Variants in FREM3 observed in about 807,000 individuals in gnomAD.
The protein encoded by FREM3 is FRAS1-related extracellular matrix protein 3.
Under a neutral mutation model 129.1 loss-of-function variants are expected in FREM3, and 105 were observed. The ratio of observed to expected loss-of-function variants is 0.81; its 90% CI spans 0.69 to 0.96. The LOEUF is 0.96. FREM3 is among the 40% of genes least tolerant of loss of function. The pLI is 0.00. For missense variants in FREM3, 2,593 were observed against 2,666.3 expected (o/e 0.97, Z 0.61); for synonymous variants, 1,014 against 1,044.9 (o/e 0.97, Z 0.57).
At chr4:143,666,229 A>G (rs1030806522) in intron 2 of FREM3, among the ~76,000 whole-genome samples, 2 of 152,172 alleles carry the variant, frequency 1.3e-5, no homozygotes, top group African/African-American at 4.8e-5. Context: ...ACATGCATAA[A>G]AGAAAATGCA....
At chr4:143,597,478 T>G (rs1180015691) in intron 6 of FREM3, among the ~76,000 whole-genome samples, 3 of 152,240 alleles carry the variant, frequency 2.0e-5, no homozygotes, top group African/African-American at 7.2e-5. Context: ...GCTTTGTAAA[T>G]ATTTTGAAAT....
chr4:143,670,045 G>C (rs1489327488), intron 2 of FREM3, among the ~76,000 whole-genome samples: 2 of 152,088 alleles, frequency 1.3e-5, no homozygotes, highest in Non-Finnish European at 1.5e-5. Flanking sequence ...ATTTCAAAGG[G>C]ATTAGAATTT....
Position 143,624,256 on chromosome 4 carries a change from T to C in FREM3, c.5505A>G (p.Gly1835=), listed in dbSNP as rs1244580658. The C allele has an allele frequency of 2.0e-5, 31 of 1,536,962 alleles. No homozygotes were observed. The highest frequency in any genetic ancestry group is 2.5e-5 in the Non-Finnish European group (29 of 1,146,774). Residue 1835 remains glycine (G), a synonymous_variant, in exon 4 of 8, where the codon GGA becomes GGG. Coordinates refer to ENST00000329798, the MANE Select transcript of FREM3 (RefSeq NM_001168235.2). ...KTNKQIQFNP[G]QTTATWRVRI... is the part of the protein sequence containing the mutation. Reference sequence around the variant, plus strand: ...TCACCCTCCATGTGGCTGTAGTCTGTCCAGGATTGAACTGGATCTGTTTAT... The same window carrying C: ...TCACCCTCCATGTGGCTGTAGTCTGCCCAGGATTGAACTGGATCTGTTTAT...
chr4:143,698,965 C>G lies in FREM3; in HGVS notation c.1711G>C (p.Asp571His), dbSNP rs575972251. 7.2e-6 allele frequency: 11 copies of G among 1,537,238 alleles called. No homozygotes were observed. In the South Asian group the frequency reaches 1.2e-4, roughly 17 times the overall value. Residue 571 changes from aspartate (D) to histidine (H), a missense_variant, in exon 1 of 8, where the codon GAT (aspartate) becomes CAT (histidine). Asp to His is a moderately conservative substitution (Grantham distance 81, BLOSUM62 -1). This residue lies in a region of FREM3 where 2,276 missense variants were observed against 2,267.2 expected (regional missense o/e 1.00). Transcript: ENST00000329798. ...QISPFVLSAT[D>H]IDSEDSTIHF... is the part of the protein sequence containing the mutation. ...ATGGTTGAGTCCTCAGAGTCAATAT[C>G]AGTAGCACTCAGTACAAAGGGAGAG...
At chr4:143,664,915 G>C (rs748088098) in intron 2 of FREM3, among the ~76,000 whole-genome samples, 3 of 152,188 alleles carry the variant, frequency 2.0e-5, no homozygotes, top group Admixed American at 6.5e-5. Context: ...TAATCTCCTA[G>C]TGCACCGTTT....
At chr4:143,677,099 A>G (rs1289369393) in intron 2 of FREM3, among the ~76,000 whole-genome samples, 1 of 152,226 alleles carries the variant, frequency 6.6e-6, no homozygotes, top group Non-Finnish European at 1.5e-5. Flanking sequence ...ATCCTAAGCC[A>G]AAAGAACAAA....
Position 143,696,318 on chromosome 4 carries a change from T to C in FREM3, c.4358A>G (p.Asp1453Gly), listed in dbSNP as rs1740567595. 6.5e-7 allele frequency: 1 copy of C among 1,537,386 alleles called. No individual in the cohort carries two copies. The highest frequency in any genetic ancestry group is 1.4e-5 in the African/African-American group (1 of 73,058). The change falls in exon 1 of 8, where the codon GAC becomes GGC. Residue 1453 changes from aspartate (D) to glycine (G), a missense_variant. By Grantham distance (94) the Asp-to-Gly change is moderately conservative. Around this residue, in one of 2 missense-constraint regions of FREM3, gnomAD observed 2,276 missense variants for 2,267.2 expected, o/e 1.00. Transcript: ENST00000329798. ...TLTNNLLTNSDINSSDEHHFS... is the reference protein window; with the variant it reads ...TLTNNLLTNSGINSSDEHHFS... ...GTGATGTTCATCAGAGCTGTTGATG[T>C]CACTGTTGGTAAGCAGATTGTTGGT...
chr4:143,615,707 CA>C (rs55880735), intron 5 of FREM3, among the ~76,000 whole-genome samples: 48 of 138,984 alleles, frequency 3.5e-4, no homozygotes, highest in South Asian at 2.2e-3. Context: ...CGTCAAGTGT[CA>C]AAAAAAAAAC....
Position 143,700,618 on chromosome 4 carries a change from C to G in FREM3, c.58G>C (p.Ala20Pro). ...GCGGGGCGACTCAAGAGCAGGCAGGCGAGCGCCACAAGGAGCTGCCGGGGC... is the reference window on the plus strand; with the variant it reads ...GCGGGGCGACTCAAGAGCAGGCAGGGGAGCGCCACAAGGAGCTGCCGGGGC... ...GTPRQLLVAL[A>P]CLLLSRPALQ... The change falls in exon 1 of 8, where the codon GCC becomes CCC. Residue 20 changes from alanine to proline, a missense_variant. By Grantham distance (27) the Ala-to-Pro change is conservative. Around this residue, in one of 2 missense-constraint regions of FREM3, gnomAD observed 2,276 missense variants for 2,267.2 expected, o/e 1.00. Coordinates refer to ENST00000329798, the MANE Select transcript of FREM3 (RefSeq NM_001168235.2). 1 of 1,451,950 alleles carries G rather than the reference C, an allele frequency of 6.9e-7. No individual in the cohort carries two copies. The highest frequency in any genetic ancestry group is 9.1e-7 in the Non-Finnish European group (1 of 1,104,390). The allele number at this position is 1,451,950 out of a possible 1,614,324, so 89.9% of individuals were successfully genotyped here.
intron 1 of FREM3, among the ~76,000 whole-genome samples, chr4:143,693,589 C>A (rs751370322): frequency 2.6e-5 from 4 of 152,182 alleles, no homozygotes; most frequent in Non-Finnish European, 5.9e-5. Context: ...CCAGCAGTCC[C>A]ATTACTGGGT....
intron 2 of FREM3, among the ~76,000 whole-genome samples, chr4:143,664,847 G>C (rs938789073): frequency 6.6e-6 from 1 of 152,220 alleles, no homozygotes; most frequent in Non-Finnish European, 1.5e-5. Context: ...TCAGACTGCC[G>C]TGCTAGCAAT....
At chr4:143,633,194 G>A (rs141144526) in intron 2 of FREM3, among the ~76,000 whole-genome samples, 1 of 152,120 alleles carries the variant, frequency 6.6e-6, no homozygotes, top group Non-Finnish European at 1.5e-5. Flanking sequence ...AGTGCTGTTG[G>A]CATTCTTTCT....
chr4:143,690,352 A>G (rs1740443181), intron 2 of FREM3, among the ~76,000 whole-genome samples: 1 of 152,150 alleles, frequency 6.6e-6, no homozygotes, highest in South Asian at 2.1e-4. Context: ...CCTTCATGGT[A>G]TCACTCTTGA....
chr4:143,678,784 CATAAA>C (rs1250484564), intron 2 of FREM3, among the ~76,000 whole-genome samples: 1 of 151,970 alleles, frequency 6.6e-6, no homozygotes, highest in Non-Finnish European at 1.5e-5. Context: ...TCAATATAGT[CATAAA>C]ATGAAATACA....
chr4:143,674,508 A>G (rs1235082297), intron 2 of FREM3, among the ~76,000 whole-genome samples: 1 of 152,228 alleles, frequency 6.6e-6, no homozygotes, highest in African/African-American at 2.4e-5. Context: ...ACTGGCTGAC[A>G]TCGTAATGAT....
intron 6 of FREM3, among the ~76,000 whole-genome samples, chr4:143,592,078 T>G (rs533441831): frequency 6.6e-6 from 1 of 152,316 alleles, no homozygotes. Context: ...CCTTTTTTTG[T>G]TTTCCATTTG....
At chr4:143,614,414 A>G (rs12505883) in intron 5 of FREM3, among the ~76,000 whole-genome samples, 52,290 of 152,106 alleles carry the variant, frequency 0.34, 10,384 homozygotes, top group Middle Eastern at 0.47. Flanking sequence ...ATTCTGAGAT[A>G]AAAGATAAGG....
At chr4:143,594,418 G>T (rs1398641787) in intron 6 of FREM3, among the ~76,000 whole-genome samples, 5 of 152,170 alleles carry the variant, frequency 3.3e-5, no homozygotes, top group African/African-American at 4.8e-5. Flanking sequence ...TGTTCTCAAG[G>T]TCAGGCACCA....
At chr4:143,688,754 A>G (rs546049461) in intron 2 of FREM3, among the ~76,000 whole-genome samples, 1 of 152,272 alleles carries the variant, frequency 6.6e-6, no homozygotes, top group South Asian at 2.1e-4. Context: ...CGACAAGGCA[A>G]ACAAAAAACA....
Sources: gnomAD v4.1 joint callset for allele counts (sites outside exome capture counted in the v4.1 genomes callset) on GRCh38, gnomAD v4.1.1 for gene constraint, gnomAD v4.1.1 regional missense constraint, MANE v1.5 for transcripts, NCBI Gene and HGNC (gene_info 2026-07-23, HGNC 2026-07-21) for gene names.